COL6A5: variants seen among roughly 807,000 people sequenced by gnomAD.
COL6A5 encodes the protein collagen type VI alpha 5 chain.
A neutral mutation model predicts 65.6 loss-of-function variants in COL6A5; 48 were observed. That is an observed-to-expected ratio of 0.73 (90% CI 0.58 to 0.93). The LOEUF (loss-of-function observed/expected upper bound fraction) is 0.93. COL6A5 is among the 40% of genes least tolerant of loss of function. The probability of loss-of-function intolerance (pLI) is 0.00; values close to 1 mark genes in which losing one functional copy is unlikely to be tolerated. For missense variants in COL6A5, 914 were observed against 928.3 expected, an observed-to-expected ratio of 0.98 and a Z score of 0.20; for synonymous variants, 291 against 322.8, an observed-to-expected ratio of 0.90 and a Z score of 1.05.
chr3:130,466,600 A>T (rs1386052758), intron 5 of COL6A5, among the ~76,000 whole-genome samples: 1 of 151,972 alleles, frequency 6.6e-6, no homozygotes, highest in African/African-American at 2.4e-5. Flanking sequence ...GGTAAGTGGG[A>T]GAAAGAAAAT....
intron 4 of COL6A5, among the ~76,000 whole-genome samples, chr3:130,453,368 G>C (rs141589576): frequency 3.9e-5 from 6 of 152,176 alleles, no homozygotes; most frequent in East Asian, 3.9e-4. Context: ...TGGCTTCAGC[G>C]GGTCCCTCCG....
chr3:130,385,986 T>A (rs1936172434), intron 5 of COL6A5, among the ~76,000 whole-genome samples: 1 of 152,094 alleles, frequency 6.6e-6, no homozygotes, highest in South Asian at 2.1e-4. Context: ...TTGTTCTAAT[T>A]AGAGATTAAG....
chr3:130,484,087 T>C (rs764397922), exon 8 of COL6A5: 39 of 1,596,968 alleles, frequency 2.4e-5, no homozygotes, highest in Non-Finnish European at 3.3e-5. Flanking sequence ...TCCACTGACA[T>C]GTATAATCCC....
chr3:130,355,296 GATATA>G (rs1934883332), intron 1 of COL6A5, among the ~76,000 whole-genome samples: 1 of 151,896 alleles, frequency 6.6e-6, no homozygotes, highest in Non-Finnish European at 1.5e-5. Context: ...GAAAAGCTAT[GATATA>G]AAAATCCCTA....
chr3:130,469,417 A>G (rs778454071), exon 6 of COL6A5: 8 of 1,612,912 alleles, frequency 5.0e-6, no homozygotes, highest in Non-Finnish European at 6.8e-6. Context: ...AACTTGGCCG[A>G]ACCCACAAGC....
exon 3 of COL6A5, chr3:130,376,805 T>C: frequency 6.2e-7 from 1 of 1,613,276 alleles, no homozygotes; most frequent in Non-Finnish European, 8.5e-7. Flanking sequence ...TAACCAAGTA[T>C]AAGGAGGGAG....
rs1457268456 is a variant in COL6A5, at chr3:130,395,484, G to A, written c.3568+19G>A. On this transcript the variant is annotated intron_variant and NMD_transcript_variant, in intron 8 of 41. Coordinates refer to the COL6A5 transcript ENST00000312481. ...AAAACCAGTAAGTGCTTCTTGTTTGGTTTTCTTCCATGGAAACTTCTCATT... is the reference window on the plus strand; with the variant it reads ...AAAACCAGTAAGTGCTTCTTGTTTGATTTTCTTCCATGGAAACTTCTCATT... The A allele has an allele frequency of 2.0e-6, 3 of 1,516,970 alleles. No homozygotes were observed. The highest frequency in any genetic ancestry group is 2.5e-5 in the South Asian group (2 of 78,668). 94.0% of individuals were successfully genotyped at this position (1,516,970 alleles called of 1,614,324 possible).
chr3:130,441,999 A>G (rs1709193487), intron 3 of COL6A5, among the ~76,000 whole-genome samples: 2 of 152,236 alleles, frequency 1.3e-5, no homozygotes, highest in South Asian at 4.1e-4. Flanking sequence ...CCACAGTGAT[A>G]ATGTCTTGAG....
intron 1 of COL6A5, among the ~76,000 whole-genome samples, chr3:130,433,557 C>G (rs1015851333): frequency 2.6e-4 from 39 of 152,076 alleles, no homozygotes; most frequent in Non-Finnish European, 2.1e-4. Flanking sequence ...TTTATTCTTC[C>G]CTGCCTTGCA....
exon 6 of COL6A5, chr3:130,469,291 G>A: frequency 4.3e-6 from 7 of 1,612,974 alleles, no homozygotes; most frequent in Non-Finnish European, 5.9e-6. Flanking sequence ...TAAGGAATGT[G>A]TCTCTGAGAG....
chr3:130,440,056 G>T, intron 2 of COL6A5, 110 bp from the exon 35 acceptor site: 1 of 863,762 alleles, frequency 1.2e-6, no homozygotes, highest in Non-Finnish European at 1.8e-6. Flanking sequence ...AAGAGATATT[G>T]ATCAAATTAT....
At chr3:130,377,271 T>C (rs1252342444) in intron 3 of COL6A5, among the ~76,000 whole-genome samples, 1 of 152,206 alleles carries the variant, frequency 6.6e-6, no homozygotes, top group Non-Finnish European at 1.5e-5. Context: ...CTTATCTCTC[T>C]GTCCTTTGTG....
rs1356794165 is a variant in COL6A5 at position 130,357,076 on chromosome 3, T to A, written c.-29+11095T>A. ...TGGGAAAAACTCACAGTAAACAGTA[T>A]AATTTACTAGTTACCATAATCCAGA... On this transcript the variant is annotated intron_variant and NMD_transcript_variant, in intron 1 of 41. Transcript: ENST00000312481. Among the ~76,000 whole-genome samples the A allele has an allele frequency of 5.3e-5, 8 of 152,042 alleles. No individual in the cohort carries two copies. In the East Asian group the frequency reaches 1.3e-3, roughly 26 times the overall value.
chr3:130,352,760 A>C (rs1413078612), intron 1 of COL6A5, among the ~76,000 whole-genome samples: 1 of 152,206 alleles, frequency 6.6e-6, no homozygotes, highest in African/African-American at 2.4e-5. Context: ...AATTTTAACC[A>C]TTGTGATATT....
At chr3:130,396,527 C>A (rs1474256538) in intron 8 of COL6A5, among the ~76,000 whole-genome samples, 1 of 152,204 alleles carries the variant, frequency 6.6e-6, no homozygotes, top group Non-Finnish European at 1.5e-5. Context: ...TGGCAGCTTG[C>A]AGTTGCAGTT....
At chr3:130,346,214 C>T (rs1934468485) in intron 1 of COL6A5, among the ~76,000 whole-genome samples, 1 of 152,200 alleles carries the variant, frequency 6.6e-6, no homozygotes, top group African/African-American at 2.4e-5. Flanking sequence ...GGACTAATAG[C>T]ATCGCCTTGC....
intron 17 of COL6A5, among the ~76,000 whole-genome samples, chr3:130,408,268 G>T (rs958583981): frequency 3.1e-4 from 46 of 150,258 alleles, no homozygotes; most frequent in Admixed American, 2.5e-3. Flanking sequence ...CATTCCCGGT[G>T]TGGGGGTGGT....
intron 28 of COL6A5, 146 bp from the exon 29 acceptor site, chr3:130,423,692 C>T (rs1937553503): frequency 5.4e-6 from 3 of 550,536 alleles, no homozygotes; most frequent in Non-Finnish European, 9.6e-6. Context: ...TTGTTTGTAT[C>T]ACAAGTAAGC....
exon 6 of COL6A5, chr3:130,469,264 T>C (rs1709891759): frequency 6.2e-7 from 1 of 1,613,084 alleles, no homozygotes; most frequent in Non-Finnish European, 8.5e-7. Context: ...AAACCAACTC[T>C]TTAGACAAAG....
Sources: gnomAD v4.1 joint callset for allele counts (sites outside exome capture counted in the v4.1 genomes callset) on GRCh38, gnomAD v4.1.1 for gene constraint, MANE v1.5 for transcripts, NCBI Gene and HGNC (gene_info 2026-07-23, HGNC 2026-07-21) for gene names.